SMAD5: variants seen among roughly 807,000 people sequenced by gnomAD.
The protein encoded by SMAD5 is MAD, mothers against decapentaplegic homolog 5.
In SMAD5, 9 loss-of-function variants were observed where a neutral mutation model predicts 43.1. That is an observed-to-expected ratio of 0.21 (90% CI 0.13 to 0.36). The LOEUF is 0.36. SMAD5 is among the 10% of genes least tolerant of loss of function. The pLI is 1.00. For synonymous variants in SMAD5, 190 were observed against 192.4 expected (o/e 0.99, Z 0.10); for missense variants, 348 against 574.0 (o/e 0.61, Z 4.02).
At chr5:136,154,296 G>C in intron 3 of SMAD5, 133 bp downstream of exon 3, 2 of 596,190 alleles carry the variant, frequency 3.4e-6, no homozygotes, top group East Asian at 6.4e-5. Context: ...TTCTAATCTT[G>C]GAAGGGCTAT....
chr5:136,172,796 T>G (rs1754275665), intron 6 of SMAD5, 141 bp downstream of exon 6: 2 of 635,126 alleles, frequency 3.1e-6, no homozygotes, highest in Admixed American at 5.5e-5. Flanking sequence ...TATTGAAGAA[T>G]GTATTAATCA....
chr5:136,150,564 C>T (rs1002212019), intron 2 of SMAD5, among the ~76,000 whole-genome samples: 2 of 151,874 alleles, frequency 1.3e-5, no homozygotes, highest in Non-Finnish European at 2.9e-5. Flanking sequence ...ATAGCCTCTT[C>T]AGCATTGGGT....
In SMAD5 at chr5:136,174,602, A is replaced by G; in HGVS notation, c.1224A>G (p.Lys408=). The change falls in exon 7 of 8, where the codon AAA becomes AAG. Residue 408 remains lysine (K), a synonymous_variant. Coordinates refer to ENST00000545279, the MANE Select transcript of SMAD5 (RefSeq NM_005903.7). ...TTGAGGCAGTATATGAGCTCACCAA[A>G]ATGTGTACCATTCGGATGAGTTTTG... ...HGFEAVYELT[K]MCTIRMSFVK... is the part of the protein sequence containing the mutation. The G allele has an allele frequency of 1.9e-6, 3 of 1,612,910 alleles. No homozygotes were observed. Among genetic ancestry groups the G allele is most frequent in the Non-Finnish European group, 2.5e-6 (3 of 1,178,958 alleles).
At chr5:136,164,557 C>A (rs909308884) in intron 5 of SMAD5, among the ~76,000 whole-genome samples, 7 of 152,098 alleles carry the variant, frequency 4.6e-5, no homozygotes, top group African/African-American at 1.7e-4. Context: ...TATTTTAAAT[C>A]TTTTGCCCAT....
chr5:136,162,730 A>T (rs1407650703), intron 4 of SMAD5, among the ~76,000 whole-genome samples: 1 of 152,204 alleles, frequency 6.6e-6, no homozygotes, highest in Non-Finnish European at 1.5e-5. Context: ...TAAGTGAATT[A>T]CCTAACCATT....
chr5:136,154,765 C>T (rs1753577804), intron 3 of SMAD5, among the ~76,000 whole-genome samples: 1 of 152,000 alleles, frequency 6.6e-6, no homozygotes, highest in African/African-American at 2.4e-5. Flanking sequence ...TACCATTTAA[C>T]TTGTCGAGAT....
chr5:136,135,472 C>G (rs1403671416), intron 1 of SMAD5, among the ~76,000 whole-genome samples: 1 of 152,146 alleles, frequency 6.6e-6, no homozygotes, highest in Non-Finnish European at 1.5e-5. Context: ...TTTTCTCCCT[C>G]TACTGAAAAC....
At chr5:136,172,378 G>A (rs1754256910) in intron 5 of SMAD5, 56 bp from the exon 6 acceptor site, 2 of 1,029,428 alleles carry the variant, frequency 1.9e-6, no homozygotes, top group Admixed American at 2.4e-5. Context: ...TAAACACATG[G>A]ACAATCTGAG....
At chr5:136,133,690 C>G (rs1752763509) in intron 1 of SMAD5, 1 of 152,788 alleles carries the variant, frequency 6.5e-6, no homozygotes. Flanking sequence ...TATCAGGGCT[C>G]AAATTAATAT....
At chr5:136,139,901 G>A (rs981914683) in intron 1 of SMAD5, among the ~76,000 whole-genome samples, 8 of 151,974 alleles carry the variant, frequency 5.3e-5, no homozygotes, top group Admixed American at 2.0e-4. Flanking sequence ...TAGAGATGGA[G>A]TTTTAAAAAC....
At chr5:136,146,550 A>G (rs1424267358) in intron 1 of SMAD5, among the ~76,000 whole-genome samples, 9 of 151,946 alleles carry the variant, frequency 5.9e-5, no homozygotes, top group Admixed American at 3.9e-4. Context: ...CATGCAAATC[A>G]GAACGTATTT....
intron 7 of SMAD5, among the ~76,000 whole-genome samples, chr5:136,176,229 G>A (rs1580804692): frequency 6.6e-6 from 1 of 151,606 alleles, no homozygotes; most frequent in African/African-American, 2.4e-5. Flanking sequence ...CAAGGCAGGT[G>A]GATCACCTGA....
At position 136,174,637 on chromosome 5, in the gene SMAD5, G is replaced by A. The variant is rs1754343919; in HGVS notation, c.1254+5G>A. On this transcript the variant is annotated splice_donor_5th_base_variant and intron_variant, in intron 7 of 7. Coordinates refer to ENST00000545279, the MANE Select transcript of SMAD5 (RefSeq NM_005903.7). Reference sequence around the variant, plus strand: ...ATTCGGATGAGTTTTGTCAAGGTGAGTTGTGACCTCTAACATAATTTGAGT... The same window carrying A: ...ATTCGGATGAGTTTTGTCAAGGTGAATTGTGACCTCTAACATAATTTGAGT... The A allele has an allele frequency of 6.3e-7, 1 of 1,599,980 alleles. No homozygotes were observed. The highest frequency in any genetic ancestry group is 8.6e-7 in the Non-Finnish European group (1 of 1,167,606).
chr5:136,150,110 G>A (rs750502503), intron 2 of SMAD5, among the ~76,000 whole-genome samples: 9 of 151,380 alleles, frequency 5.9e-5, no homozygotes, highest in African/African-American at 1.7e-4. Flanking sequence ...TGAATGTTTC[G>A]TAATATTTAG....
chr5:136,159,579 T>C (rs1466499032), intron 3 of SMAD5, among the ~76,000 whole-genome samples: 1 of 152,204 alleles, frequency 6.6e-6, no homozygotes, highest in Non-Finnish European at 1.5e-5. Context: ...TGAACTGAAT[T>C]CCTGAGTAGT....
At position 136,172,474 on chromosome 5, in the gene SMAD5, T is replaced by C; in HGVS notation, c.816T>C (p.Cys272=). The C allele has an allele frequency of 6.2e-7, 1 of 1,613,056 alleles. No individual in the cohort carries two copies. The highest frequency in any genetic ancestry group is 8.5e-7 in the Non-Finnish European group (1 of 1,179,202). ...CCTATGAAGAGCCTAAACATTGGTG[T>C]TCAATAGTCTACTATGAATTAAACA... ...PVAYEEPKHW[C]SIVYYELNNR... The change falls in exon 6 of 8, where the codon TGT becomes TGC. Residue 272 remains cysteine (C), a synonymous_variant. Coordinates refer to ENST00000545279, the MANE Select transcript of SMAD5 (RefSeq NM_005903.7).
At chr5:136,168,030 G>T (rs775637223) in intron 5 of SMAD5, among the ~76,000 whole-genome samples, 5 of 152,024 alleles carry the variant, frequency 3.3e-5, no homozygotes, top group Non-Finnish European at 5.9e-5. Context: ...TAATAGAGAC[G>T]GAGTTTCACC....
chr5:136,174,069 G>GTT (rs374435491), intron 6 of SMAD5, among the ~76,000 whole-genome samples: 1 of 143,326 alleles, frequency 7.0e-6, no homozygotes, highest in Non-Finnish European at 1.5e-5. Context: ...ATGATTTGGG[G>GTT]TTTTTTTTTT....
intron 5 of SMAD5, among the ~76,000 whole-genome samples, chr5:136,169,020 G>A (rs1015691039): frequency 5.9e-5 from 9 of 152,130 alleles, no homozygotes; most frequent in African/African-American, 9.7e-5. Context: ...AAAGTCCCAC[G>A]ATAGGCCATC....
Sources: gnomAD v4.1 joint callset for allele counts (sites outside exome capture counted in the v4.1 genomes callset) on GRCh38, gnomAD v4.1.1 for gene constraint, MANE v1.5 for transcripts, NCBI Gene and HGNC (gene_info 2026-07-23, HGNC 2026-07-21) for gene names.